WWOX: variants seen among roughly 807,000 people sequenced by gnomAD.
The protein encoded by WWOX is WW domain containing oxidoreductase.
In WWOX, 69 loss-of-function variants were observed where a neutral mutation model predicts 46.2. The ratio of observed to expected loss-of-function variants is 1.49; its 90% CI spans 1.23 to 1.82. The LOEUF (loss-of-function observed/expected upper bound fraction) is 1.82, where lower values mean the gene tolerates loss of function less well. Ranked by LOEUF, WWOX falls within the 40% of genes most tolerant of loss-of-function variation. WWOX has a pLI of 0.00. For synonymous variants in WWOX, 359 were observed against 202.6 expected, an observed-to-expected ratio of 1.77 and a Z score of -6.56; for missense variants, 919 against 542.6, an observed-to-expected ratio of 1.69 and a Z score of -6.89.
chr16:78,996,344 A>G, intron 8 of WWOX: 2 of 983,210 alleles, frequency 2.0e-6, no homozygotes, highest in Non-Finnish European at 2.4e-6. Flanking sequence ...AGAAAGGATG[A>G]AATAGAAAGA....
intron 8 of WWOX, among the ~76,000 whole-genome samples, chr16:78,545,137 G>T (rs1193914218): frequency 6.6e-6 from 1 of 152,138 alleles, no homozygotes; most frequent in African/African-American, 2.4e-5. Context: ...GATTCCCTCA[G>T]CACTTTAGGA....
chr16:78,552,110 T>G (rs1369194149), intron 8 of WWOX: 2 of 152,192 alleles, frequency 1.3e-5, no homozygotes, highest in Non-Finnish European at 2.9e-5. Context: ...GTTACTGGCC[T>G]GATGACCCAG....
At chr16:78,497,998 C>T (rs893291101) in intron 8 of WWOX, among the ~76,000 whole-genome samples, 4 of 151,858 alleles carry the variant, frequency 2.6e-5, no homozygotes, top group Non-Finnish European at 4.4e-5. Context: ...ATCGGGAGAT[C>T]GAGACCATCC....
At chr16:78,630,667 T>C (rs1172380001) in intron 8 of WWOX, among the ~76,000 whole-genome samples, 1 of 152,206 alleles carries the variant, frequency 6.6e-6, no homozygotes, top group African/African-American at 2.4e-5. Context: ...CCTGTGCTCA[T>C]TTTGCCTTGC....
At chr16:78,971,189 G>C (rs149062879) in intron 8 of WWOX, among the ~76,000 whole-genome samples, 3 of 152,092 alleles carry the variant, frequency 2.0e-5, no homozygotes, top group South Asian at 4.2e-4. Flanking sequence ...GGCCGGGCAC[G>C]GTGGCCTACA....
chr16:78,110,743 C>T (rs1382060343), intron 3 of WWOX, among the ~76,000 whole-genome samples: 1 of 152,070 alleles, frequency 6.6e-6, no homozygotes, highest in Non-Finnish European at 1.5e-5. Flanking sequence ...CCCACAGTGC[C>T]CTGAGAGGTA....
At chr16:78,648,161 G>A (rs182056522) in intron 8 of WWOX, among the ~76,000 whole-genome samples, 1 of 152,148 alleles carries the variant, frequency 6.6e-6, no homozygotes, top group Admixed American at 6.5e-5. Context: ...CCACCTCCCA[G>A]GAGTTGAATG....
At position 78,431,394 on chromosome 16, in the gene WWOX, A is replaced by G. The variant is rs12325156; in HGVS notation, c.792-1094A>G. ...TTTTTAATCTAGAAAAGAGTCTTGG[A>G]GACAACAAGACTCATCTATAATTTC... On this transcript the variant is annotated intron_variant, in intron 7 of 8. Coordinates refer to ENST00000566780, the MANE Select transcript of WWOX (RefSeq NM_016373.4). Among the ~76,000 whole-genome samples the G allele has an allele frequency of 7.2e-3, 1,090 of 152,304 alleles. 6 individuals are homozygous for G. The highest frequency in any genetic ancestry group is 0.025 in the African/African-American group (1,027 of 41,568).
At chr16:78,375,704 C>A (rs986546011) in intron 5 of WWOX, among the ~76,000 whole-genome samples, 5 of 151,934 alleles carry the variant, frequency 3.3e-5, no homozygotes, top group Non-Finnish European at 7.4e-5. Context: ...GAGTCTACTT[C>A]CAGGAATTCA....
At chr16:78,132,500 T>C (rs2033638380) in intron 4 of WWOX, among the ~76,000 whole-genome samples, 2 of 152,186 alleles carry the variant, frequency 1.3e-5, no homozygotes. Flanking sequence ...CACGCTTCCA[T>C]TGCTTGCCTT....
chr16:79,088,771 C>T (rs534157141), intron 8 of WWOX, among the ~76,000 whole-genome samples: 1 of 152,218 alleles, frequency 6.6e-6, no homozygotes, highest in South Asian at 2.1e-4. Context: ...GCTAAGACTG[C>T]TTTAGATATA....
intron 7 of WWOX, among the ~76,000 whole-genome samples, chr16:78,425,429 A>G (rs13335509): frequency 0.018 from 2,706 of 152,316 alleles, 33 homozygotes; most frequent in African/African-American, 0.037. Context: ...CAATGCAATT[A>G]GAGCCTGCGA....
chr16:79,085,986 C>A (rs532963438), intron 8 of WWOX, among the ~76,000 whole-genome samples: 1 of 151,992 alleles, frequency 6.6e-6, no homozygotes, highest in African/African-American at 2.4e-5. Context: ...GCAGGAGGAT[C>A]GCTTGCATCC....
At chr16:78,748,147 AC>A (rs1467068469) in intron 8 of WWOX, among the ~76,000 whole-genome samples, 1 of 152,102 alleles carries the variant, frequency 6.6e-6, no homozygotes, top group Non-Finnish European at 1.5e-5. Flanking sequence ...TATCCATTGC[AC>A]CCCGTGTCAT....
At chr16:78,801,490 C>G (rs920381448) in intron 8 of WWOX, among the ~76,000 whole-genome samples, 11 of 152,198 alleles carry the variant, frequency 7.2e-5, no homozygotes, top group Non-Finnish European at 2.9e-5. Flanking sequence ...ACCTGGGTGA[C>G]AAGGCTAGAC....
intron 8 of WWOX, chr16:78,872,624 C>T (rs989810403): frequency 6.6e-6 from 1 of 152,158 alleles, no homozygotes; most frequent in African/African-American, 2.4e-5. Flanking sequence ...TGCTCACTGT[C>T]TTTCTCATCC....
chr16:78,422,143 G>C (rs1458040277), intron 6 of WWOX, among the ~76,000 whole-genome samples: 6 of 152,076 alleles, frequency 3.9e-5, no homozygotes, highest in Non-Finnish European at 5.9e-5. Flanking sequence ...AGACTCTTAA[G>C]AAGATACGTG....
chr16:79,138,522 G>C (rs2050026949), intron 8 of WWOX, among the ~76,000 whole-genome samples: 1 of 152,168 alleles, frequency 6.6e-6, no homozygotes, highest in Admixed American at 6.6e-5. Context: ...CCATAGACAG[G>C]TTAGAGAACA....
chr16:79,035,022 C>G (rs2047838209), intron 8 of WWOX, among the ~76,000 whole-genome samples: 1 of 152,184 alleles, frequency 6.6e-6, no homozygotes, highest in African/African-American at 2.4e-5. Flanking sequence ...ATATTGCTGA[C>G]TCTTTTAACT....
Sources: allele counts gnomAD v4.1 joint callset (sites outside exome capture counted in the v4.1 genomes callset), GRCh38; gene constraint gnomAD v4.1.1; transcripts MANE v1.5; gene names NCBI Gene and HGNC (gene_info 2026-07-23, HGNC 2026-07-21).